Variants in LRP1B observed in about 807,000 individuals in gnomAD.
The protein encoded by LRP1B is LDL receptor related protein 1B, also known as low-density lipoprotein receptor-related protein 1B.
In LRP1B, 217 loss-of-function variants were observed where a neutral mutation model predicts 556.6. That is an observed-to-expected ratio of 0.39 (90% CI 0.35 to 0.44). The LOEUF is 0.44. Among genes scored for constraint, LRP1B ranks in the 20% least tolerant of loss-of-function variants. LRP1B has a pLI of 1.00. For missense variants in LRP1B, 5,053 were observed against 5,620.8 expected (o/e 0.90, Z 3.23); for synonymous variants, 2,047 against 1,865.8 (o/e 1.10, Z -2.50).
intron 1 of LRP1B, among the ~76,000 whole-genome samples, chr2:142,070,505 T>C (rs539171235): frequency 2.6e-5 from 4 of 152,046 alleles, no homozygotes; most frequent in East Asian, 3.9e-4. Context: ...TGATATCTGA[T>C]GTGCACAAAT....
At chr2:141,635,870 G>A (rs1243029824) in intron 2 of LRP1B, among the ~76,000 whole-genome samples, 2 of 152,090 alleles carry the variant, frequency 1.3e-5, no homozygotes, top group East Asian at 1.9e-4. Flanking sequence ...ATGAGTGGTC[G>A]CATCTCAGGG....
rs1694789845 is a variant in LRP1B, at chr2:140,923,143, A to C, written c.3141T>G (p.Ile1047Met). The C allele has an allele frequency of 6.2e-7, 1 of 1,611,042 alleles. No homozygotes were observed. Among genetic ancestry groups the C allele is most frequent in the Admixed American group, 1.7e-5 (1 of 59,644 alleles). ...EAQINCTKEE[I>M]HSPAGCNGNE... Reference sequence around the variant, plus strand: ...TTCCGTTACAACCAGCAGGAGAATGAATCTCTTAATTTGAAATGAGGAAGA... The same window carrying C: ...TTCCGTTACAACCAGCAGGAGAATGCATCTCTTAATTTGAAATGAGGAAGA... Residue 1047 changes from isoleucine to methionine, a missense_variant, in exon 21 of 91, where the codon ATT (isoleucine) becomes ATG (methionine). Transcript: ENST00000389484.
intron 3 of LRP1B, among the ~76,000 whole-genome samples, chr2:141,287,439 C>T (rs925993192): frequency 6.6e-6 from 1 of 151,920 alleles, no homozygotes; most frequent in South Asian, 2.1e-4. Flanking sequence ...TCTCCTGCCT[C>T]AGACTCCCGA....
chr2:140,687,721 A>G (rs1686099671), intron 41 of LRP1B, among the ~76,000 whole-genome samples: 1 of 152,158 alleles, frequency 6.6e-6, no homozygotes, highest in Non-Finnish European at 1.5e-5. Context: ...TTATTCTTGC[A>G]TATAAGTCTA....
chr2:141,132,084 A>T (rs1701373259), intron 7 of LRP1B, among the ~76,000 whole-genome samples: 1 of 152,112 alleles, frequency 6.6e-6, no homozygotes, highest in Non-Finnish European at 1.5e-5. Flanking sequence ...AGAACATATG[A>T]TGCCCAAACA....
intron 1 of LRP1B, among the ~76,000 whole-genome samples, chr2:142,070,618 T>C (rs1705275792): frequency 6.6e-6 from 1 of 151,922 alleles, no homozygotes; most frequent in African/African-American, 2.4e-5. Context: ...CAACTGTCTT[T>C]TACAGCTCAT....
chr2:141,614,028 C>T (rs1688200687), intron 2 of LRP1B, among the ~76,000 whole-genome samples: 1 of 120,878 alleles, frequency 8.3e-6, no homozygotes, highest in African/African-American at 3.0e-5. Context: ...AGCTGAGATC[C>T]AGCCATTGCA....
intron 3 of LRP1B, among the ~76,000 whole-genome samples, chr2:141,471,268 A>ATGTTTTTTTTTTTTTTTTT (rs1553518973): frequency 1.6e-4 from 5 of 31,902 alleles, no homozygotes; most frequent in African/African-American, 2.2e-4. Flanking sequence ...ATACCCTGGT[A>ATGTTTTTTTTTTTTTTTTT]TTTTTTTTTT....
chr2:141,609,150 A>G (rs1350287914), intron 2 of LRP1B, among the ~76,000 whole-genome samples: 2 of 152,202 alleles, frequency 1.3e-5, no homozygotes, highest in Non-Finnish European at 2.9e-5. Flanking sequence ...CAATAAATAA[A>G]ACCCAGATTT....
chr2:141,304,960 A>G (rs149245495), intron 3 of LRP1B, among the ~76,000 whole-genome samples: 2 of 152,250 alleles, frequency 1.3e-5, no homozygotes, highest in South Asian at 2.1e-4. Flanking sequence ...CCATTGGTCT[A>G]TGTGTTTTCG....
chr2:141,558,967 C>T (rs928145687), intron 2 of LRP1B, among the ~76,000 whole-genome samples: 22 of 151,124 alleles, frequency 1.5e-4, no homozygotes, highest in African/African-American at 5.1e-4. Flanking sequence ...ATCTTTTTGT[C>T]AATAGTCTTG....
intron 35 of LRP1B, among the ~76,000 whole-genome samples, chr2:140,741,352 TATA>T (rs1293844589): frequency 3.3e-5 from 5 of 152,252 alleles, no homozygotes; most frequent in South Asian, 2.1e-4. Flanking sequence ...AATAACTACA[TATA>T]ATAACTGAAC....
intron 2 of LRP1B, among the ~76,000 whole-genome samples, chr2:141,744,219 G>GT (rs998463592): frequency 1.3e-5 from 2 of 151,858 alleles, no homozygotes; most frequent in East Asian, 1.9e-4. Context: ...AAATTTTTCA[G>GT]TTTTTTTCTT....
intron 84 of LRP1B, among the ~76,000 whole-genome samples, chr2:140,285,402 G>C (rs186112941): frequency 1.0e-3 from 139 of 136,526 alleles, no homozygotes; most frequent in African/African-American, 3.7e-3. Context: ...TATACACACA[G>C]AGAGAGAGAT....
At chr2:141,748,798 G>A (rs562216854) in intron 2 of LRP1B, among the ~76,000 whole-genome samples, 43 of 152,092 alleles carry the variant, frequency 2.8e-4, no homozygotes, top group Non-Finnish European at 4.7e-4. Flanking sequence ...TCAAATAGAC[G>A]CAAACATGCA....
intron 1 of LRP1B, among the ~76,000 whole-genome samples, chr2:141,868,764 A>G (rs949177934): frequency 2.0e-5 from 3 of 152,146 alleles, no homozygotes; most frequent in Non-Finnish European, 4.4e-5. Flanking sequence ...ACTTCCAAGT[A>G]CTAAATGCCT....
intron 2 of LRP1B, among the ~76,000 whole-genome samples, chr2:141,644,738 C>CACACACAA: frequency 6.8e-6 from 1 of 147,944 alleles, no homozygotes; most frequent in African/African-American, 2.6e-5. Context: ...ATCACACACA[C>CACACACAA]ACACACACAC....
intron 66 of LRP1B, among the ~76,000 whole-genome samples, chr2:140,409,292 C>T (rs1684874146): frequency 6.6e-6 from 1 of 151,630 alleles, no homozygotes; most frequent in Admixed American, 6.6e-5. Context: ...GTGATATCTA[C>T]TGATAAAGTA....
chr2:141,712,192 T>C (rs1692386070), intron 2 of LRP1B, among the ~76,000 whole-genome samples: 1 of 151,346 alleles, frequency 6.6e-6, no homozygotes, highest in Non-Finnish European at 1.5e-5. Flanking sequence ...TAATGTTTAA[T>C]GTAATGCCAA....
Sources: gnomAD v4.1 joint callset for allele counts (sites outside exome capture counted in the v4.1 genomes callset) on GRCh38, gnomAD v4.1.1 for gene constraint, MANE v1.5 for transcripts, NCBI Gene and HGNC (gene_info 2026-07-23, HGNC 2026-07-21) for gene names.